The following NR3C2 variants were observed in gnomAD, a reference collection of about 807,000 sequenced individuals.
NR3C2 encodes mineralocorticoid receptor.
Under a neutral mutation model 86.4 loss-of-function variants are expected in NR3C2, and 15 were observed. That is an observed-to-expected ratio of 0.17 (90% CI 0.12 to 0.27). The LOEUF is 0.27. Among genes scored for constraint, NR3C2 ranks in the 10% least tolerant of loss-of-function variants. The pLI, the probability that NR3C2 is intolerant of heterozygous loss-of-function variation, is 1.00. For missense variants in NR3C2, 960 were observed against 1,195.6 expected, an observed-to-expected ratio of 0.80 and a Z score of 2.91; for synonymous variants, 458 against 450.5, an observed-to-expected ratio of 1.02 and a Z score of -0.21.
chr4:148,431,884 G>C (rs1026314076), intron 2 of NR3C2, among the ~76,000 whole-genome samples: 4 of 152,132 alleles, frequency 2.6e-5, no homozygotes, highest in African/African-American at 9.7e-5. Context: ...CTGGATCTCA[G>C]AACTCCTTTT....
chr4:148,316,622 A>C (rs530362092), intron 2 of NR3C2, among the ~76,000 whole-genome samples: 2 of 152,290 alleles, frequency 1.3e-5, no homozygotes, highest in East Asian at 3.9e-4. Context: ...AATTTTTATA[A>C]TTAGCCAAAA....
At chr4:148,273,310 G>A (rs1243413230) in intron 2 of NR3C2, among the ~76,000 whole-genome samples, 1 of 152,090 alleles carries the variant, frequency 6.6e-6, no homozygotes, top group Non-Finnish European at 1.5e-5. Context: ...TGAAATCTAT[G>A]GCAATATTCC....
At chr4:148,362,804 A>G (rs1460751679) in intron 2 of NR3C2, among the ~76,000 whole-genome samples, 1 of 151,730 alleles carries the variant, frequency 6.6e-6, no homozygotes, top group Non-Finnish European at 1.5e-5. Context: ...CTGACTGCAG[A>G]GGGGTGGGTA....
chr4:148,278,253 G>A (rs932887251), intron 2 of NR3C2, among the ~76,000 whole-genome samples: 4 of 151,898 alleles, frequency 2.6e-5, no homozygotes, highest in African/African-American at 9.7e-5. Flanking sequence ...AACCACAGGT[G>A]CATGCCTGGC....
intron 6 of NR3C2, among the ~76,000 whole-genome samples, chr4:148,134,534 T>C (rs776104154): frequency 6.6e-6 from 1 of 152,036 alleles, no homozygotes; most frequent in Non-Finnish European, 1.5e-5. Context: ...AGTTTCTCTT[T>C]AATGATAAAT....
At chr4:148,299,590 T>C (rs377142243) in intron 2 of NR3C2, among the ~76,000 whole-genome samples, 3 of 152,252 alleles carry the variant, frequency 2.0e-5, no homozygotes, top group Non-Finnish European at 2.9e-5. Flanking sequence ...CATTCTCCAA[T>C]ACAAGTCCAC....
At chr4:148,276,006 A>G (rs1317018204) in intron 2 of NR3C2, among the ~76,000 whole-genome samples, 2 of 152,206 alleles carry the variant, frequency 1.3e-5, no homozygotes, top group Non-Finnish European at 2.9e-5. Context: ...AAAATTCCAT[A>G]GTACTATTTA....
intron 2 of NR3C2, among the ~76,000 whole-genome samples, chr4:148,280,165 T>C (rs1429246956): frequency 6.6e-6 from 1 of 152,188 alleles, no homozygotes; most frequent in Non-Finnish European, 1.5e-5. Context: ...TGAGCTCCTA[T>C]GGGAGAATAA....
chr4:148,141,140 T>C (rs77400983), intron 6 of NR3C2, among the ~76,000 whole-genome samples: 4,534 of 152,246 alleles, frequency 0.03, 221 homozygotes, highest in African/African-American at 0.1. Context: ...GCCAGTTATA[T>C]GTATTTTTGC....
At chr4:148,286,523 A>C (rs1324630779) in intron 2 of NR3C2, among the ~76,000 whole-genome samples, 1 of 152,244 alleles carries the variant, frequency 6.6e-6, no homozygotes, top group Admixed American at 6.5e-5. Flanking sequence ...TAATTCATTA[A>C]GTAAAATAGC....
chr4:148,304,771 T>A (rs1317968347), intron 2 of NR3C2, among the ~76,000 whole-genome samples: 3 of 152,124 alleles, frequency 2.0e-5, no homozygotes, highest in Admixed American at 2.0e-4. Context: ...GCCTGAGCAC[T>A]GGGAGAATGC....
intron 2 of NR3C2, among the ~76,000 whole-genome samples, chr4:148,317,760 G>A (rs1266878279): frequency 1.1e-5 from 1 of 88,616 alleles, no homozygotes; most frequent in East Asian, 4.7e-4. Context: ...TAATAGATCT[G>A]CAGAAAAAGC....
At chr4:148,148,513 T>C (rs1733968581) in intron 6 of NR3C2, among the ~76,000 whole-genome samples, 2 of 152,210 alleles carry the variant, frequency 1.3e-5, no homozygotes, top group Admixed American at 1.3e-4. Context: ...GTCTCTGATG[T>C]GGCCTCTGAA....
chr4:148,183,287 TG>T (rs1735729891), intron 4 of NR3C2, among the ~76,000 whole-genome samples: 1 of 152,248 alleles, frequency 6.6e-6, no homozygotes, highest in Non-Finnish European at 1.5e-5. Flanking sequence ...AACATATGTG[TG>T]CATGCGCCTT....
chr4:148,091,459 C>T (rs1056199349), intron 8 of NR3C2, among the ~76,000 whole-genome samples: 3 of 152,214 alleles, frequency 2.0e-5, no homozygotes, highest in African/African-American at 7.2e-5. Flanking sequence ...AATCCAGGCG[C>T]GTGAAGTTAG....
intron 3 of NR3C2, among the ~76,000 whole-genome samples, chr4:148,243,459 T>C (rs1305700673): frequency 6.6e-6 from 1 of 152,200 alleles, no homozygotes; most frequent in Non-Finnish European, 1.5e-5. Flanking sequence ...GCCTCAATGA[T>C]TACTTTTTAA....
intron 2 of NR3C2, among the ~76,000 whole-genome samples, chr4:148,304,396 A>T (rs1742502463): frequency 7.1e-6 from 1 of 140,152 alleles, no homozygotes. Flanking sequence ...ACAAACTGGT[A>T]AAAGGCCTCG....
At chr4:148,365,810 G>C (rs1746085315) in intron 2 of NR3C2, among the ~76,000 whole-genome samples, 2 of 152,014 alleles carry the variant, frequency 1.3e-5, no homozygotes, top group African/African-American at 4.8e-5. Context: ...ATTTCAATCA[G>C]ATATTAGTGA....
chr4:148,133,854 G>C (rs1365342063), intron 6 of NR3C2, among the ~76,000 whole-genome samples: 1 of 152,204 alleles, frequency 6.6e-6, no homozygotes, highest in East Asian at 1.9e-4. Flanking sequence ...GAAAGCAGGT[G>C]TGCTCACTTT....
Sources: gnomAD v4.1 joint callset for allele counts (sites outside exome capture counted in the v4.1 genomes callset) on GRCh38, gnomAD v4.1.1 for gene constraint, MANE v1.5 for transcripts, NCBI Gene and HGNC (gene_info 2026-07-23, HGNC 2026-07-21) for gene names.